Variants in KCNIP3 observed in about 807,000 individuals in gnomAD.
KCNIP3 encodes the protein calsenilin.
In KCNIP3, 28 loss-of-function variants were observed where a neutral mutation model predicts 35.0. That is an observed-to-expected ratio of 0.80 (90% CI 0.59 to 1.10). KCNIP3 has a LOEUF of 1.10. KCNIP3 is among the 50% of genes least tolerant of loss of function. The pLI, the probability that KCNIP3 is intolerant of heterozygous loss-of-function variation, is 0.00. For missense variants in KCNIP3, 295 were observed against 338.4 expected, an observed-to-expected ratio of 0.87 and a Z score of 1.01; for synonymous variants, 134 against 133.8, an observed-to-expected ratio of 1.00 and a Z score of -0.01.
chr2:95,297,489 G>C (rs369746275), intron 1 of KCNIP3, 36 bp downstream of exon 1: 2 of 1,334,382 alleles, frequency 1.5e-6, no homozygotes, highest in Admixed American at 2.0e-5. Context: ...GCTCTGGAGG[G>C]GGGTCGGGGG....
intron 2 of KCNIP3, chr2:95,313,280 G>T (rs1678369391): frequency 6.6e-6 from 1 of 152,292 alleles, no homozygotes; most frequent in Non-Finnish European, 1.5e-5. Flanking sequence ...CGTCGGCAAG[G>T]AGTGGACAGG....
rs2104304198 is a variant in KCNIP3, at chr2:95,378,278, A to G, written c.447+3070A>G. Among the ~76,000 whole-genome samples the G allele has an allele frequency of 6.6e-6, 1 of 152,214 alleles. No homozygotes were observed. Among genetic ancestry groups the G allele is most frequent in the African/African-American group, 2.4e-5 (1 of 41,540 alleles). On this transcript the variant is annotated intron_variant, in intron 5 of 8. Coordinates refer to ENST00000295225, the MANE Select transcript of KCNIP3 (RefSeq NM_013434.5). This position sits in a 1 kb window ranked among gnomAD's most constrained non-coding sequence, Gnocchi z 4.0. ...CCTGGGACTGCGGGTGCATGCCACCATGCCCAGCTAATTTTTTTATTTTAA... is the reference window on the plus strand; with the variant it reads ...CCTGGGACTGCGGGTGCATGCCACCGTGCCCAGCTAATTTTTTTATTTTAA...
intron 1 of KCNIP3, among the ~76,000 whole-genome samples, chr2:95,301,578 A>G (rs1678031765): frequency 6.6e-6 from 1 of 152,136 alleles, no homozygotes; most frequent in Non-Finnish European, 1.5e-5. Flanking sequence ...GTGATCCTAT[A>G]CCAACCAGCT....
At chr2:95,348,410 C>T (rs560559428) in intron 2 of KCNIP3, among the ~76,000 whole-genome samples, 16 of 152,298 alleles carry the variant, frequency 1.1e-4, no homozygotes, top group Admixed American at 3.3e-4. Flanking sequence ...TTGCCATCCC[C>T]TGTCCCCTTG....
intron 1 of KCNIP3, among the ~76,000 whole-genome samples, chr2:95,300,705 A>T (rs551438286): frequency 1.3e-5 from 2 of 152,364 alleles, no homozygotes; most frequent in Non-Finnish European, 2.9e-5. Context: ...TTAGAAGGCC[A>T]AAGAGCAGCC....
rs1212869923 is a variant in KCNIP3, at chr2:95,377,980, C to T, written c.447+2772C>T. Among the ~76,000 whole-genome samples the T allele has an allele frequency of 2.6e-5, 4 of 152,188 alleles. No individual in the cohort carries two copies. The highest frequency in any genetic ancestry group is 2.1e-4 in the South Asian group (1 of 4,834). On this transcript the variant is annotated intron_variant, in intron 5 of 8. Transcript: ENST00000295225. This position sits in a 1 kb window ranked among gnomAD's most constrained non-coding sequence, Gnocchi z 4.7. ...GTCCCCAGGAGAACGGTGTGCTCCACGCCTTTGCTACCCACTAGGAAGGCC... is the reference window on the plus strand; with the variant it reads ...GTCCCCAGGAGAACGGTGTGCTCCATGCCTTTGCTACCCACTAGGAAGGCC...
chr2:95,304,142 C>T (rs1259826094), intron 1 of KCNIP3, among the ~76,000 whole-genome samples: 1 of 152,176 alleles, frequency 6.6e-6, no homozygotes, highest in Non-Finnish European at 1.5e-5. Flanking sequence ...AAGCCCCCAG[C>T]CTCAGCCACA....
At chr2:95,303,671 A>G (rs1312689394) in intron 1 of KCNIP3, among the ~76,000 whole-genome samples, 3 of 152,108 alleles carry the variant, frequency 2.0e-5, no homozygotes, top group Non-Finnish European at 2.9e-5. Flanking sequence ...TGATCTGCAC[A>G]TTCCACCAGG....
chr2:95,344,379 C>T (rs1271571008), intron 2 of KCNIP3, among the ~76,000 whole-genome samples: 5 of 152,168 alleles, frequency 3.3e-5, no homozygotes, highest in Non-Finnish European at 7.4e-5. Context: ...AGTGGGCCTA[C>T]GCTGGTGAGT....
chr2:95,340,036 G>A (rs890156874), intron 2 of KCNIP3, among the ~76,000 whole-genome samples: 10 of 152,046 alleles, frequency 6.6e-5, no homozygotes, highest in Non-Finnish European at 1.5e-4. Flanking sequence ...GTCACTTACC[G>A]TCTTAAAAAC....
rs566279401 is a variant in KCNIP3 at position 95,367,959 on chromosome 2, G to A, written c.182-6337G>A. ...GTATTTTTAGTAGAGACAGGGTTTC[G>A]CCATGTTGGCCAGGCTGGTCTCGAA... On this transcript the variant is annotated intron_variant, in intron 2 of 8. Coordinates refer to ENST00000295225, the MANE Select transcript of KCNIP3 (RefSeq NM_013434.5). 3.6e-4 allele frequency among the ~76,000 whole-genome samples: 54 copies of A among 152,054 alleles called. 1 individual carries two copies. The South Asian group carries it at 0.011, about 31-fold the overall frequency.
chr2:95,346,196 G>T (rs1187324173), intron 2 of KCNIP3, among the ~76,000 whole-genome samples: 6 of 152,154 alleles, frequency 3.9e-5, no homozygotes, highest in South Asian at 2.1e-4. Flanking sequence ...CGGGAAATGC[G>T]CCGGGGAGTG....
At chr2:95,297,503 G>T in intron 1 of KCNIP3, 50 bp downstream of exon 1, 1 of 791,244 alleles carries the variant, frequency 1.3e-6, no homozygotes, top group South Asian at 1.5e-5. Flanking sequence ...TCGGGGGGAG[G>T]AATGGAGGCT....
chr2:95,381,588 C>T lies in KCNIP3; in HGVS notation c.448-8C>T. 1 of 1,604,264 alleles carries T rather than the reference C, an allele frequency of 6.2e-7. No individual in the cohort carries two copies. Reference sequence around the variant, plus strand: ...GATGTCACGCCCCACACTCTCCTTTCCCCATAGGACTTTGTGGTTGGCCTC... The same window carrying T: ...GATGTCACGCCCCACACTCTCCTTTTCCCATAGGACTTTGTGGTTGGCCTC... On this transcript the variant is annotated splice_polypyrimidine_tract_variant and splice_region_variant and intron_variant, in intron 5 of 8. Transcript: ENST00000295225.
intron 2 of KCNIP3, among the ~76,000 whole-genome samples, chr2:95,325,813 A>C (rs1427074736): frequency 6.7e-6 from 1 of 150,046 alleles, no homozygotes; most frequent in Non-Finnish European, 1.5e-5. Context: ...ATACACTCAT[A>C]CACACATACA....
intron 1 of KCNIP3, among the ~76,000 whole-genome samples, chr2:95,306,400 G>A (rs1678166684): frequency 6.6e-6 from 1 of 152,236 alleles, no homozygotes; most frequent in Non-Finnish European, 1.5e-5. Context: ...GTGTCACGAG[G>A]AAAAGCAGGT....
Position 95,381,714 on chromosome 2 carries a change from G to T in KCNIP3, c.555+11G>T, listed in dbSNP as rs376410311. 5 of 1,580,926 alleles carry T rather than the reference G, an allele frequency of 3.2e-6. No homozygotes were observed. The highest frequency in any genetic ancestry group is 1.7e-5 in the Admixed American group (1 of 59,916). ...TACATCACCAAAGAGGTAGTAGGGG[G>T]CTGGGGGCAGGGATTGTCCCCTCCT... On this transcript the variant is annotated intron_variant, in intron 6 of 8. Transcript: ENST00000295225.
chr2:95,297,579 C>T (rs1573472877), intron 1 of KCNIP3, 126 bp downstream of exon 1: 2 of 803,928 alleles, frequency 2.5e-6, no homozygotes, highest in East Asian at 5.6e-5. Flanking sequence ...TTCCACTTTC[C>T]TTTGGGGAAA....
At chr2:95,303,240 A>T (rs1678082337) in intron 1 of KCNIP3, 1 of 152,356 alleles carries the variant, frequency 6.6e-6, no homozygotes, top group Non-Finnish European at 1.5e-5. Flanking sequence ...AAGGAGTGGG[A>T]CGCTGCTCCG....
Sources: allele counts gnomAD v4.1 joint callset (sites outside exome capture counted in the v4.1 genomes callset), GRCh38; gene constraint gnomAD v4.1.1; non-coding constraint Gnocchi (gnomAD v3.1); transcripts MANE v1.5; gene names NCBI Gene and HGNC (gene_info 2026-07-23, HGNC 2026-07-21).